BICC1: variants seen among roughly 807,000 people sequenced by gnomAD.
BICC1 encodes BicC family RNA binding protein 1.
Under a neutral mutation model 111.0 loss-of-function variants are expected in BICC1, and 43 were observed. That is an observed-to-expected ratio of 0.39 (90% CI 0.30 to 0.50). The LOEUF (loss-of-function observed/expected upper bound fraction) is 0.50, where lower values mean the gene tolerates loss of function less well. Ranked by LOEUF, BICC1 falls within the 20% of genes least tolerant of loss-of-function variation. The pLI is 0.88. For synonymous variants in BICC1, 467 were observed against 434.4 expected (o/e 1.07, Z -0.93); for missense variants, 1,091 against 1,203.2 (o/e 0.91, Z 1.38).
chr10:58,512,794 G>A (rs922843664), upstream of BICC1, among the ~76,000 whole-genome samples: 2 of 150,914 alleles, frequency 1.3e-5, no homozygotes, highest in Non-Finnish European at 3.0e-5. Flanking sequence ...GGGCCAATGA[G>A]CGCGCGGCTG....
At position 58,512,952 on chromosome 10, in the gene BICC1, G is replaced by C. The variant is rs1189299184; in HGVS notation, c.-192G>C. The stretch of plus-strand genomic sequence containing the variant: ...GCCGCGACCCGGGGTGGCGGGTGGC[G>C]TGGGCGGCGCCCGGGGCTGGGATGC... On this transcript the variant is annotated 5_prime_UTR_variant, in exon 1 of 21. Coordinates refer to ENST00000373886, the MANE Select transcript of BICC1 (RefSeq NM_001080512.3). Among the ~76,000 whole-genome samples, 2 of 147,432 alleles carry C rather than the reference G, an allele frequency of 1.4e-5. No individual in the cohort carries two copies. The highest frequency in any genetic ancestry group is 3.0e-5 in the Non-Finnish European group (2 of 66,216).
chr10:58,745,877 T>G (rs1374198372), intron 3 of BICC1, among the ~76,000 whole-genome samples: 1 of 151,760 alleles, frequency 6.6e-6, no homozygotes, highest in Admixed American at 6.6e-5. Context: ...CTTTGGGGGA[T>G]CATTGTTCTG....
chr10:58,691,737 T>A (rs6481428), intron 2 of BICC1, among the ~76,000 whole-genome samples: 152,067 of 152,300 alleles, frequency 1, 75,917 homozygotes, highest in Middle Eastern at 1. Flanking sequence ...TCCACAGCCC[T>A]CGCTTGGCTC....
intron 3 of BICC1, among the ~76,000 whole-genome samples, chr10:58,708,853 C>T (rs1298513626): frequency 6.6e-6 from 1 of 152,178 alleles, no homozygotes; most frequent in African/African-American, 2.4e-5. Flanking sequence ...TTCCAGCTTG[C>T]TTGTCTATGT....
intron 2 of BICC1, among the ~76,000 whole-genome samples, chr10:58,681,231 A>G (rs1299033293): frequency 6.6e-6 from 1 of 152,232 alleles, no homozygotes; most frequent in Non-Finnish European, 1.5e-5. Flanking sequence ...GTGAACAGGC[A>G]ACCTACAGAA....
intron 1 of BICC1, among the ~76,000 whole-genome samples, chr10:58,595,770 T>C (rs1844792783): frequency 6.6e-6 from 1 of 152,166 alleles, no homozygotes; most frequent in Non-Finnish European, 1.5e-5. Flanking sequence ...AGGAAAGAGC[T>C]AAAATTGACA....
chr10:58,648,610 T>A (rs145095623), intron 2 of BICC1: 3 of 984,856 alleles, frequency 3.0e-6, no homozygotes, highest in East Asian at 2.3e-4. Context: ...TCTCTCTCTC[T>A]TTCTCTCTTA....
At chr10:58,821,099 A>G (rs964369514) in intron 20 of BICC1, among the ~76,000 whole-genome samples, 1 of 152,140 alleles carries the variant, frequency 6.6e-6, no homozygotes, top group Non-Finnish European at 1.5e-5. Context: ...ATTGGGTGCC[A>G]CTCATTTGAA....
Position 58,829,001 on chromosome 10 carries a change from G to GACCAA in BICC1, c.*112_*116dup. The GACCAA allele has an allele frequency of 1.5e-6, 2 of 1,346,230 alleles. No individual in the cohort carries two copies. Among genetic ancestry groups the GACCAA allele is most frequent in the South Asian group, 2.8e-5 (2 of 71,702 alleles). 83.4% of individuals were successfully genotyped at this position (1,346,230 alleles called of 1,614,324 possible). A position where few individuals can be genotyped will look rare whatever the true frequency, so the allele number is the denominator to read the frequency against. The stretch of plus-strand genomic sequence containing the variant: ...TAGCACTCTGGGTGTCTGGTATCAG[G>GACCAA]ACCAAAGCATTTTATTCGCACCTGT... On this transcript the variant is annotated 3_prime_UTR_variant, in exon 21 of 21. Coordinates refer to ENST00000373886, the MANE Select transcript of BICC1 (RefSeq NM_001080512.3).
chr10:58,522,661 AAC>A (rs1842423053), intron 1 of BICC1, among the ~76,000 whole-genome samples: 1 of 152,066 alleles, frequency 6.6e-6, no homozygotes, highest in East Asian at 1.9e-4. Flanking sequence ...GAAACGAGCA[AAC>A]ACATTCAAAA....
intron 2 of BICC1, among the ~76,000 whole-genome samples, chr10:58,684,325 C>G (rs890131255): frequency 6.6e-6 from 1 of 152,132 alleles, no homozygotes; most frequent in Non-Finnish European, 1.5e-5. Flanking sequence ...GGATATTGGT[C>G]TAAAATTCTC....
chr10:58,705,403 A>G (rs968591832), intron 3 of BICC1, among the ~76,000 whole-genome samples: 1 of 152,144 alleles, frequency 6.6e-6, no homozygotes, highest in African/African-American at 2.4e-5. Context: ...TCATTTTTCT[A>G]TCATCTTTGT....
At chr10:58,639,397 ATTTT>A (rs5785335) in intron 2 of BICC1, among the ~76,000 whole-genome samples, 1 of 138,582 alleles carries the variant, frequency 7.2e-6, no homozygotes, top group Admixed American at 7.4e-5. Flanking sequence ...TGCCATTTAA[ATTTT>A]TTTTTTTTTT....
Position 58,803,169 on chromosome 10 carries a change from A to G in BICC1, c.2108A>G (p.Glu703Gly). ...KKAPGSERAA[E>G]RAAAAQQNSE... ...GCTCCAGGGAGTGAGCGCGCTGCAGAGAGGGCAGCAGCTGCCCAGCAAAAC... is the reference window on the plus strand; with the variant it reads ...GCTCCAGGGAGTGAGCGCGCTGCAGGGAGGGCAGCAGCTGCCCAGCAAAAC... Residue 703 changes from glutamate to glycine, a missense_variant, in exon 15 of 21, where the codon GAG becomes GGG. Transcript: ENST00000373886. 2 of 1,611,586 alleles carry G rather than the reference A, an allele frequency of 1.2e-6. No individual in the cohort carries two copies. Among genetic ancestry groups the G allele is most frequent in the Non-Finnish European group, 1.7e-6 (2 of 1,178,764 alleles).
intron 3 of BICC1, among the ~76,000 whole-genome samples, chr10:58,774,450 A>G (rs963012087): frequency 6.6e-6 from 1 of 152,242 alleles, no homozygotes; most frequent in Non-Finnish European, 1.5e-5. Flanking sequence ...GAGTGAATTG[A>G]TCTCAGACTT....
chr10:58,531,040 A>G (rs1842669737), intron 1 of BICC1, among the ~76,000 whole-genome samples: 1 of 151,814 alleles, frequency 6.6e-6, no homozygotes, highest in Non-Finnish European at 1.5e-5. Flanking sequence ...CCCCTTCCCC[A>G]AGCCACCACA....
chr10:58,697,844 AT>A (rs1333549498), intron 2 of BICC1, among the ~76,000 whole-genome samples: 1 of 151,286 alleles, frequency 6.6e-6, no homozygotes, highest in African/African-American at 2.4e-5. Flanking sequence ...CCCGGATGCA[AT>A]AATCTAGCTC....
chr10:58,812,741 G>C (rs1370032504), intron 17 of BICC1, among the ~76,000 whole-genome samples: 2 of 152,148 alleles, frequency 1.3e-5, no homozygotes, highest in Admixed American at 1.3e-4. Context: ...GCCTCCCAAA[G>C]TGCTGGAATT....
intron 3 of BICC1, among the ~76,000 whole-genome samples, chr10:58,705,300 A>G (rs2132462255): frequency 6.6e-6 from 1 of 152,376 alleles, no homozygotes; most frequent in East Asian, 1.9e-4. Context: ...AAGGGTGACC[A>G]CTACTGAGAA....
Sources: allele counts gnomAD v4.1 joint callset (sites outside exome capture counted in the v4.1 genomes callset), GRCh38; gene constraint gnomAD v4.1.1; transcripts MANE v1.5; gene names NCBI Gene and HGNC (gene_info 2026-07-23, HGNC 2026-07-21).